The following PDE4B variants were observed in gnomAD, a reference collection of about 807,000 sequenced individuals.
PDE4B encodes phosphodiesterase 4B, also known as 3',5'-cyclic-AMP phosphodiesterase 4B.
A neutral mutation model predicts 82.2 loss-of-function variants in PDE4B; 20 were observed. The ratio of observed to expected loss-of-function variants is 0.24; its 90% CI spans 0.17 to 0.35. PDE4B has a LOEUF of 0.35. Among genes scored for constraint, PDE4B ranks in the 10% least tolerant of loss-of-function variants. PDE4B has a pLI of 1.00. For missense variants in PDE4B, 655 were observed against 907.2 expected, an observed-to-expected ratio of 0.72 and a Z score of 3.57; for synonymous variants, 320 against 318.9, an observed-to-expected ratio of 1.00 and a Z score of -0.04.
intron 7 of PDE4B, among the ~76,000 whole-genome samples, chr1:66,313,277 ACTCT>A (rs1483794132): frequency 6.6e-6 from 1 of 152,146 alleles, no homozygotes; most frequent in East Asian, 1.9e-4. Context: ...GAAGTACTCT[ACTCT>A]GAAATTACTT....
intron 3 of PDE4B, among the ~76,000 whole-genome samples, chr1:66,045,399 G>A (rs1312365803): frequency 1.3e-5 from 2 of 151,556 alleles, no homozygotes; most frequent in Admixed American, 1.3e-4. Flanking sequence ...CAAAGAGAAG[G>A]CACCCTTAAC....
At chr1:65,866,331 A>T (rs1646509746) in intron 1 of PDE4B, among the ~76,000 whole-genome samples, 1 of 152,220 alleles carries the variant, frequency 6.6e-6, no homozygotes, top group Non-Finnish European at 1.5e-5. Flanking sequence ...TTTAATATGC[A>T]TCCATATAAC....
intron 3 of PDE4B, among the ~76,000 whole-genome samples, chr1:65,941,377 A>G (rs372542613): frequency 5.3e-5 from 8 of 152,176 alleles, no homozygotes; most frequent in African/African-American, 1.9e-4. Flanking sequence ...CGGATTCCTA[A>G]AAACTGAGAA....
chr1:65,963,550 C>T (rs906715817), intron 3 of PDE4B, among the ~76,000 whole-genome samples: 21 of 152,164 alleles, frequency 1.4e-4, no homozygotes, highest in Admixed American at 1.2e-3. Flanking sequence ...GATTTTGAGA[C>T]CTGGGTTCTG....
At chr1:65,935,376 A>G (rs1280805135) in intron 3 of PDE4B, among the ~76,000 whole-genome samples, 1 of 152,016 alleles carries the variant, frequency 6.6e-6, no homozygotes, top group Non-Finnish European at 1.5e-5. Context: ...AAAAAAAAAA[A>G]GAATGTGATA....
intron 3 of PDE4B, among the ~76,000 whole-genome samples, chr1:65,929,629 T>G (rs1223324844): frequency 6.6e-6 from 1 of 152,180 alleles, no homozygotes; most frequent in African/African-American, 2.4e-5. Context: ...GGAGACAGAA[T>G]CCATGAGTTT....
chr1:66,247,935 A>G (rs570935639), intron 4 of PDE4B, among the ~76,000 whole-genome samples: 2 of 152,292 alleles, frequency 1.3e-5, no homozygotes, highest in Admixed American at 1.3e-4. Flanking sequence ...CATTTCCTGA[A>G]CTGTTGAGTC....
intron 7 of PDE4B, among the ~76,000 whole-genome samples, chr1:66,292,139 T>C (rs1259221146): frequency 6.6e-6 from 1 of 152,232 alleles, no homozygotes; most frequent in Non-Finnish European, 1.5e-5. Flanking sequence ...AGATGTGCTC[T>C]AATTGTTTGA....
At chr1:66,286,795 A>G (rs550372981) in intron 7 of PDE4B, among the ~76,000 whole-genome samples, 1 of 152,274 alleles carries the variant, frequency 6.6e-6, no homozygotes, top group Non-Finnish European at 1.5e-5. Context: ...AGAAGTTCAC[A>G]AGACTTAGCC....
intron 9 of PDE4B, among the ~76,000 whole-genome samples, chr1:66,358,522 A>G (rs1662455439): frequency 2.0e-5 from 3 of 152,110 alleles, no homozygotes; most frequent in Admixed American, 1.3e-4. Context: ...TAAAAATACA[A>G]AAATAGCTGG....
chr1:66,083,758 ACT>A (rs1242733831), intron 3 of PDE4B, among the ~76,000 whole-genome samples: 1 of 152,050 alleles, frequency 6.6e-6, no homozygotes, highest in African/African-American at 2.4e-5. Context: ...AAAATCACTA[ACT>A]CTTTGGAAAA....
chr1:66,341,430 A>G (rs868252967), intron 8 of PDE4B, among the ~76,000 whole-genome samples: 2 of 152,374 alleles, frequency 1.3e-5, no homozygotes, highest in Middle Eastern at 3.4e-3. Context: ...TAAAAGGTAT[A>G]CATAAGTGTC....
intron 16 of PDE4B, among the ~76,000 whole-genome samples, chr1:66,369,886 T>C (rs746817009): frequency 7.2e-5 from 11 of 152,164 alleles, no homozygotes; most frequent in Admixed American, 2.0e-4. Flanking sequence ...CAGTGGCTCA[T>C]GCCTGTAATC....
chr1:66,271,481 C>T (rs1439902860), intron 7 of PDE4B, among the ~76,000 whole-genome samples: 1 of 152,144 alleles, frequency 6.6e-6, no homozygotes, highest in Non-Finnish European at 1.5e-5. Context: ...GCTGGCCCTC[C>T]CAGAGGCAAA....
chr1:66,105,499 G>C (rs891513221), intron 3 of PDE4B, among the ~76,000 whole-genome samples: 1 of 152,034 alleles, frequency 6.6e-6, no homozygotes, highest in African/African-American at 2.4e-5. Context: ...AACTTGATGG[G>C]GATGGCATTG....
chr1:65,800,360 A>G (rs967222244), intron 1 of PDE4B, among the ~76,000 whole-genome samples: 1 of 152,224 alleles, frequency 6.6e-6, no homozygotes, highest in African/African-American at 2.4e-5. Flanking sequence ...AAAAATGGGA[A>G]TGTTGTACAA....
chr1:66,185,185 G>T (rs576448524), intron 3 of PDE4B, among the ~76,000 whole-genome samples: 1,782 of 152,204 alleles, frequency 0.012, 29 homozygotes, highest in African/African-American at 0.041. Context: ...GTTTTTTATG[G>T]CTGCGTAGTA....
chr1:66,343,659 G>A (rs1192271855), intron 8 of PDE4B, among the ~76,000 whole-genome samples: 1 of 152,196 alleles, frequency 6.6e-6, no homozygotes, highest in African/African-American at 2.4e-5. Context: ...TTAATTGTAA[G>A]GATGGAAGTG....
At chr1:66,251,147 T>C (rs1036598001) in intron 4 of PDE4B, among the ~76,000 whole-genome samples, 1 of 152,250 alleles carries the variant, frequency 6.6e-6, no homozygotes, top group African/African-American at 2.4e-5. Context: ...TGTCTCTAAA[T>C]TATCTGTAAG....
Sources: gnomAD v4.1 joint callset for allele counts (sites outside exome capture counted in the v4.1 genomes callset) on GRCh38, gnomAD v4.1.1 for gene constraint, MANE v1.5 for transcripts, NCBI Gene and HGNC (gene_info 2026-07-23, HGNC 2026-07-21) for gene names.